The following KCND3 variants were observed in gnomAD, a reference collection of about 807,000 sequenced individuals.
KCND3 encodes A-type voltage-gated potassium channel KCND3.
Under a neutral mutation model 51.1 loss-of-function variants are expected in KCND3, and 9 were observed. The ratio of observed to expected loss-of-function variants is 0.18; its 90% CI spans 0.11 to 0.31. The LOEUF is 0.31. Ranked by LOEUF, KCND3 falls within the 10% of genes least tolerant of loss-of-function variation. KCND3 has a pLI of 1.00. For missense variants in KCND3, 526 were observed against 903.8 expected (o/e 0.58, Z 5.36); for synonymous variants, 349 against 368.0 (o/e 0.95, Z 0.59).
chr1:111,777,109 G>A lies in KCND3; in HGVS notation c.1683C>T (p.Asn561=), dbSNP rs749990612. 7.4e-6 allele frequency: 12 copies of A among 1,614,016 alleles called. No individual in the cohort carries two copies. The Admixed American group carries it at 1.8e-4, about 25-fold the overall frequency. ...TGCTGCGCAGGCGAGTAGCTGGCAG[G>A]TTAGAATTGGGCAGGTGTGTGGTCT... is the stretch of plus-strand genomic sequence containing the variant. The part of the protein sequence containing the change: ...SKKTTHLPNS[N]LPATRLRSMQ... Residue 561 remains asparagine, a synonymous_variant, in exon 7 of 8, where the codon AAC becomes AAT. Transcript: ENST00000302127.
At chr1:111,832,275 C>G (rs1252038563) in intron 2 of KCND3, among the ~76,000 whole-genome samples, 1 of 152,172 alleles carries the variant, frequency 6.6e-6, no homozygotes, top group East Asian at 1.9e-4. Context: ...TGCCTAGACA[C>G]AATGGTGAAG....
In KCND3 at chr1:111,776,392, C is replaced by G. The variant is rs529066195; in HGVS notation, c.1767-114G>C. 4 of 909,940 alleles carry G rather than the reference C, an allele frequency of 4.4e-6. No homozygotes were observed. In the South Asian group the frequency reaches 5.7e-5, roughly 13 times the overall value. 56.4% of individuals were successfully genotyped at this position (909,940 alleles called of 1,614,324 possible). A position where few individuals can be genotyped will look rare whatever the true frequency, so the allele number is the denominator to read the frequency against. ...ACTAGGAGGATATTTTGTTGTGCCTCTATCTCTGCCTTTTGTAATCAACTT... is the reference window on the plus strand; with the variant it reads ...ACTAGGAGGATATTTTGTTGTGCCTGTATCTCTGCCTTTTGTAATCAACTT... On this transcript the variant is annotated intron_variant, in intron 7 of 7. Coordinates refer to ENST00000302127, the MANE Select transcript of KCND3 (RefSeq NM_001378969.1).
At chr1:111,795,890 G>A (rs903111845) in intron 2 of KCND3, among the ~76,000 whole-genome samples, 1 of 152,226 alleles carries the variant, frequency 6.6e-6, no homozygotes, top group Non-Finnish European at 1.5e-5. Context: ...TAACTGGTGT[G>A]AGCTGGTATC....
At chr1:111,801,760 C>G (rs1274079680) in intron 2 of KCND3, among the ~76,000 whole-genome samples, 1 of 152,230 alleles carries the variant, frequency 6.6e-6, no homozygotes, top group Non-Finnish European at 1.5e-5. Context: ...CTGTGCTGCC[C>G]TCCATCTTGG....
intron 2 of KCND3, among the ~76,000 whole-genome samples, chr1:111,934,198 G>A (rs1672105627): frequency 6.6e-6 from 1 of 152,152 alleles, no homozygotes; most frequent in African/African-American, 2.4e-5. Context: ...CAGGGTTGGG[G>A]TGGAGGCTTC....
intron 2 of KCND3, among the ~76,000 whole-genome samples, chr1:111,967,452 G>A (rs1010481829): frequency 1.3e-5 from 2 of 152,176 alleles, no homozygotes; most frequent in Admixed American, 6.5e-5. Flanking sequence ...CTCCAAGCAC[G>A]GCACCTCAGC....
intron 2 of KCND3, among the ~76,000 whole-genome samples, chr1:111,831,858 C>T (rs1473427544): frequency 6.6e-6 from 1 of 152,142 alleles, no homozygotes; most frequent in Non-Finnish European, 1.5e-5. Flanking sequence ...TCCTTGAGGC[C>T]AGGAATGGGA....
At chr1:111,985,064 T>C (rs992952684) in intron 1 of KCND3, among the ~76,000 whole-genome samples, 1 of 152,256 alleles carries the variant, frequency 6.6e-6, no homozygotes, top group South Asian at 2.1e-4. Flanking sequence ...TTATCTCATT[T>C]AACCCTCACA....
chr1:111,823,982 G>C lies in KCND3; in HGVS notation c.1107-36876C>G, dbSNP rs571876867. ...GTAAACAGACAATGCCCAGCACTGA[G>C]GAGTAGTGTGGTCCCCAGGGAAGGA... On this transcript the variant is annotated intron_variant, in intron 2 of 7. Transcript: ENST00000302127. Among the ~76,000 whole-genome samples the C allele has an allele frequency of 2.6e-3, 394 of 152,322 alleles. 4 individuals are homozygous for C. The highest frequency in any genetic ancestry group is 9.2e-3 in the African/African-American group (384 of 41,558).
chr1:111,846,687 G>T (rs1365919037), intron 2 of KCND3, among the ~76,000 whole-genome samples: 1 of 152,222 alleles, frequency 6.6e-6, no homozygotes, highest in Non-Finnish European at 1.5e-5. Context: ...CATCTACTGA[G>T]CATTCACAAT....
chr1:111,816,127 T>C (rs1666078406), intron 2 of KCND3, among the ~76,000 whole-genome samples: 1 of 152,250 alleles, frequency 6.6e-6, no homozygotes, highest in South Asian at 2.1e-4. Context: ...AACAAAGGCA[T>C]AGGGCATTTC....
At chr1:111,786,400 T>A (rs1167356889) in intron 3 of KCND3, among the ~76,000 whole-genome samples, 4 of 152,224 alleles carry the variant, frequency 2.6e-5, no homozygotes, top group Non-Finnish European at 5.9e-5. Context: ...TGATGGTTAG[T>A]CTCCTGATCA....
chr1:111,965,447 C>CACACACACACACACACAT (rs1673920460), intron 2 of KCND3, among the ~76,000 whole-genome samples: 2 of 114,672 alleles, frequency 1.7e-5, no homozygotes, highest in Non-Finnish European at 3.9e-5. Flanking sequence ...ACCACACACA[C>CACACACACACACACACAT]ACACACACAC....
chr1:111,884,106 T>C (rs1669460404), intron 2 of KCND3, among the ~76,000 whole-genome samples: 1 of 152,160 alleles, frequency 6.6e-6, no homozygotes, highest in African/African-American at 2.4e-5. Flanking sequence ...TAGTAGCATC[T>C]TGGGTAGAGT....
chr1:111,816,411 C>T (rs1302636953), intron 2 of KCND3, among the ~76,000 whole-genome samples: 7 of 152,244 alleles, frequency 4.6e-5, no homozygotes, highest in South Asian at 2.1e-4. Context: ...TGCATTCGCA[C>T]GGAGCTTCCT....
intron 2 of KCND3, among the ~76,000 whole-genome samples, chr1:111,913,288 G>C (rs569869638): frequency 9.8e-5 from 15 of 152,320 alleles, no homozygotes; most frequent in African/African-American, 3.6e-4. Flanking sequence ...ATCTAGGTTA[G>C]TGTAAGTACA....
intron 2 of KCND3, among the ~76,000 whole-genome samples, chr1:111,889,049 A>G (rs1488681454): frequency 2.6e-5 from 4 of 152,112 alleles, no homozygotes; most frequent in Non-Finnish European, 4.4e-5. Context: ...ACTTCTTTAG[A>G]TCAGGGTTTT....
chr1:111,922,848 G>A (rs376388847), intron 2 of KCND3, among the ~76,000 whole-genome samples: 2 of 152,202 alleles, frequency 1.3e-5, no homozygotes, highest in East Asian at 1.9e-4. Flanking sequence ...TGTTTTATAT[G>A]GTAGTTGTAA....
intron 3 of KCND3, among the ~76,000 whole-genome samples, chr1:111,782,444 A>G (rs1664428795): frequency 6.6e-6 from 1 of 152,072 alleles, no homozygotes; most frequent in Non-Finnish European, 1.5e-5. Context: ...AATCAGCCCT[A>G]TCATTCCTCC....
Sources: allele counts gnomAD v4.1 joint callset (sites outside exome capture counted in the v4.1 genomes callset), GRCh38; gene constraint gnomAD v4.1.1; transcripts MANE v1.5; gene names NCBI Gene and HGNC (gene_info 2026-07-23, HGNC 2026-07-21).